Variants in DAAM2 observed in about 807,000 individuals in gnomAD.
DAAM2 encodes the protein disheveled-associated activator of morphogenesis 2.
In DAAM2, 39 loss-of-function variants were observed where a neutral mutation model predicts 120.7. The ratio of observed to expected loss-of-function variants is 0.32; its 90% CI spans 0.25 to 0.42. DAAM2 has a LOEUF of 0.42. Among genes scored for constraint, DAAM2 ranks in the 10% least tolerant of loss-of-function variants. The pLI is 1.00. For synonymous variants in DAAM2, 488 were observed against 524.9 expected (o/e 0.93, Z 0.96); for missense variants, 1,283 against 1,401.7 (o/e 0.92, Z 1.35).
At chr6:39,869,967 G>T (rs1158465452) in intron 7 of DAAM2, among the ~76,000 whole-genome samples, 2 of 151,864 alleles carry the variant, frequency 1.3e-5, no homozygotes, top group African/African-American at 4.8e-5. Context: ...GTTATGCTAT[G>T]ATCATTTCAC....
intron 1 of DAAM2, among the ~76,000 whole-genome samples, chr6:39,843,159 G>T (rs1375973284): frequency 1.3e-5 from 2 of 152,134 alleles, no homozygotes; most frequent in Non-Finnish European, 2.9e-5. Context: ...CTCTTATCAA[G>T]TTCCTGCTGT....
In DAAM2 at chr6:39,814,595, G is replaced by A. The variant is rs72855676; in HGVS notation, c.-57+22130G>A. 2.6e-3 allele frequency among the ~76,000 whole-genome samples: 403 copies of A among 152,346 alleles called. 2 individuals carry two copies. The highest frequency in any genetic ancestry group is 4.4e-3 in the Non-Finnish European group (299 of 68,032). On this transcript the variant is annotated intron_variant, in intron 1 of 24. Transcript: ENST00000274867. ...ACAGCAGCAGAGCTGCAATTCAAAC[G>A]CGTTCATCTTTCTCCTAACCACTGT...
rs1270431652 is a variant in DAAM2, at chr6:39,868,861, C to T, written c.801C>T (p.Tyr267=). Residue 267 remains tyrosine, a synonymous_variant, in exon 7 of 25, where the codon TAC becomes TAT. Coordinates refer to ENST00000274867, the MANE Select transcript of DAAM2 (RefSeq NM_001201427.2). ...AGCTAGACCGAAGTCTGGGCCGGTA[C>T]CGGGATGAAGTGAATCTGAAAACAG... ...LNELDRSLGR[Y]RDEVNLKTAI... 2 of 1,588,462 alleles carry T rather than the reference C, an allele frequency of 1.3e-6. No homozygotes were observed. Among genetic ancestry groups the T allele is most frequent in the Non-Finnish European group, 1.7e-6 (2 of 1,167,354 alleles).
At chr6:39,874,408 T>G in intron 10 of DAAM2, among the ~76,000 whole-genome samples, 1 of 152,172 alleles carries the variant, frequency 6.6e-6, no homozygotes, top group Non-Finnish European at 1.5e-5. Flanking sequence ...AAGCTATCAG[T>G]TCTCCAAAGC....
At chr6:39,888,941 C>A in intron 17 of DAAM2, 178 bp downstream of exon 17, 2 of 415,624 alleles carry the variant, frequency 4.8e-6, no homozygotes, top group South Asian at 6.5e-5. Context: ...CTGGAAAAGG[C>A]TAAGTGTTCT....
Position 39,887,472 on chromosome 6 carries a change from CTTG to C in DAAM2, c.1954-10_1954-8del. 6.2e-7 allele frequency: 1 copy of C among 1,601,548 alleles called. No homozygotes were observed. Among genetic ancestry groups the C allele is most frequent in the East Asian group, 2.2e-5 (1 of 44,726 alleles). ...ACCCACACCTCAACTGTCCACTTGA[CTTG>C]TTGGTTGCAGAAAGAGCTGGGCTCC... is the stretch of plus-strand genomic sequence containing the variant. On this transcript the variant is annotated splice_polypyrimidine_tract_variant and intron_variant, in intron 15 of 24. Coordinates refer to ENST00000274867, the MANE Select transcript of DAAM2 (RefSeq NM_001201427.2).
chr6:39,844,153 C>G (rs1489062919), intron 1 of DAAM2, among the ~76,000 whole-genome samples: 3 of 152,012 alleles, frequency 2.0e-5, no homozygotes, highest in Admixed American at 1.3e-4. Context: ...TACTAGTATT[C>G]TCTTTTCTAG....
At chr6:39,838,189 G>A (rs188515938) in intron 1 of DAAM2, among the ~76,000 whole-genome samples, 282 of 152,306 alleles carry the variant, frequency 1.9e-3, no homozygotes, top group African/African-American at 6.4e-3. Flanking sequence ...CCTCTCTGGG[G>A]CCCAATGTCT....
chr6:39,805,755 A>C (rs1235226122), intron 1 of DAAM2, among the ~76,000 whole-genome samples: 1 of 152,040 alleles, frequency 6.6e-6, no homozygotes, highest in African/African-American at 2.4e-5. Flanking sequence ...GGGTTTCACC[A>C]TGTTGGCAGG....
intron 1 of DAAM2, among the ~76,000 whole-genome samples, chr6:39,816,857 C>T (rs79955916): frequency 0.015 from 2,230 of 152,326 alleles, 44 homozygotes; most frequent in African/African-American, 0.05. Context: ...GTCCTGTTAA[C>T]GCTCCCCGTG....
chr6:39,856,111 G>T, intron 1 of DAAM2, 136 bp from the exon 2 acceptor site: 1 of 1,230,578 alleles, frequency 8.1e-7, no homozygotes, highest in Non-Finnish European at 1.0e-6. Flanking sequence ...GGGCGACAGC[G>T]GGGTGGGTGG....
chr6:39,829,852 G>T (rs1458529542), intron 1 of DAAM2, among the ~76,000 whole-genome samples: 1 of 152,092 alleles, frequency 6.6e-6, no homozygotes, highest in Non-Finnish European at 1.5e-5. Context: ...CCGGCCCCTT[G>T]GTGGGAAATA....
At chr6:39,813,766 G>A (rs1230051308) in intron 1 of DAAM2, among the ~76,000 whole-genome samples, 1 of 152,126 alleles carries the variant, frequency 6.6e-6, no homozygotes, top group African/African-American at 2.4e-5. Context: ...GCCTTCCCAG[G>A]TCACTTAACA....
intron 1 of DAAM2, among the ~76,000 whole-genome samples, chr6:39,826,664 C>T (rs1424922780): frequency 1.3e-5 from 2 of 152,068 alleles, no homozygotes; most frequent in East Asian, 3.9e-4. Flanking sequence ...TTTTTCACTT[C>T]ATATTAGGAC....
chr6:39,847,994 AG>A (rs2149267616), intron 1 of DAAM2, among the ~76,000 whole-genome samples: 1 of 152,276 alleles, frequency 6.6e-6, no homozygotes, highest in Admixed American at 6.5e-5. Flanking sequence ...TGAGAGGTGC[AG>A]TGGAACCACC....
chr6:39,837,238 C>T (rs1293524613), intron 1 of DAAM2, among the ~76,000 whole-genome samples: 2 of 152,206 alleles, frequency 1.3e-5, no homozygotes, highest in African/African-American at 4.8e-5. Context: ...CTGCCACCTG[C>T]AGGGTGGGTG....
At chr6:39,884,096 T>C (rs1765263180) in intron 15 of DAAM2, 27 bp downstream of exon 15, 2 of 1,272,170 alleles carry the variant, frequency 1.6e-6, no homozygotes, top group African/African-American at 1.5e-5. Context: ...TCTGGCCTCT[T>C]GGACCATACC....
chr6:39,803,831 C>A (rs190403831), intron 1 of DAAM2, among the ~76,000 whole-genome samples: 103 of 152,204 alleles, frequency 6.8e-4, no homozygotes, highest in Admixed American at 1.3e-3. Context: ...CCTTGGGAAG[C>A]CAAATTGTTT....
At chr6:39,864,356 C>A in intron 3 of DAAM2, 77 bp from the exon 4 acceptor site, 2 of 1,130,176 alleles carry the variant, frequency 1.8e-6, no homozygotes, top group Non-Finnish European at 1.3e-6. Flanking sequence ...CCTCTGCTGA[C>A]ACGGAATGAA....
Sources: allele counts gnomAD v4.1 joint callset (sites outside exome capture counted in the v4.1 genomes callset), GRCh38; gene constraint gnomAD v4.1.1; transcripts MANE v1.5; gene names NCBI Gene and HGNC (gene_info 2026-07-23, HGNC 2026-07-21).